Variants in RBM6 observed in about 807,000 individuals in gnomAD.
RBM6 encodes the protein RNA binding motif protein 6.
RBM6 carries 23 observed loss-of-function variants against 140.4 expected under a neutral mutation model. The ratio of observed to expected loss-of-function variants is 0.16; its 90% CI spans 0.12 to 0.23. The LOEUF (loss-of-function observed/expected upper bound fraction) is 0.23, where lower values mean the gene tolerates loss of function less well. Among genes scored for constraint, RBM6 ranks in the 10% least tolerant of loss-of-function variants. RBM6 has a pLI of 1.00. For missense variants in RBM6, 1,139 were observed against 1,386.7 expected (o/e 0.82, Z 2.84); for synonymous variants, 439 against 475.6 (o/e 0.92, Z 1.00).
In RBM6 at chr3:50,069,884, G is replaced by A. The variant is rs1345634783; in HGVS notation, c.3019-571G>A. Among the ~76,000 whole-genome samples the A allele has an allele frequency of 5.3e-5, 8 of 152,296 alleles. No individual in the cohort carries two copies. In the East Asian group the frequency reaches 1.2e-3, roughly 22 times the overall value. ...TTTTATATTATATGCCCGAGGGCTTGTATAGTGGAGGGCTTGTGTACTTTC... is the reference window on the plus strand; with the variant it reads ...TTTTATATTATATGCCCGAGGGCTTATATAGTGGAGGGCTTGTGTACTTTC... On this transcript the variant is annotated intron_variant, in intron 18 of 20. Transcript: ENST00000266022.
intron 5 of RBM6, among the ~76,000 whole-genome samples, chr3:49,984,785 A>G (rs1050346819): frequency 6.6e-6 from 1 of 152,370 alleles, no homozygotes; most frequent in Middle Eastern, 3.4e-3. Context: ...TGATAAAGCC[A>G]AGAAGAAGGA....
At chr3:49,974,461 T>C (rs1478778729) in intron 4 of RBM6, among the ~76,000 whole-genome samples, 1 of 150,258 alleles carries the variant, frequency 6.7e-6, no homozygotes, top group Non-Finnish European at 1.5e-5. Flanking sequence ...AAGCTCCTTC[T>C]CCCGGGTTCA....
At chr3:50,071,956 C>T (rs960692255) in intron 19 of RBM6, among the ~76,000 whole-genome samples, 7 of 150,802 alleles carry the variant, frequency 4.6e-5, no homozygotes, top group East Asian at 2.0e-4. Context: ...CTGTGGCAGG[C>T]GCCTGTAATC....
intron 6 of RBM6, among the ~76,000 whole-genome samples, chr3:50,006,491 T>C (rs1007308325): frequency 6.6e-6 from 1 of 152,094 alleles, no homozygotes; most frequent in Non-Finnish European, 1.5e-5. Context: ...TATAACATAG[T>C]ATTCTGGAAG....
chr3:50,061,590 TGTCA>T, intron 14 of RBM6, 43 bp downstream of exon 14: 1 of 1,471,838 alleles, frequency 6.8e-7, no homozygotes, highest in Admixed American at 2.4e-5. Flanking sequence ...TTTTTACCTC[TGTCA>T]ATGATTCTTT....
At chr3:50,026,380 G>GC (rs1427587695) in intron 6 of RBM6, among the ~76,000 whole-genome samples, 11 of 143,218 alleles carry the variant, frequency 7.7e-5, no homozygotes, top group African/African-American at 1.3e-4. Context: ...ACTGTGCCCG[G>GC]CCCTTTTTTT....
chr3:50,026,688 G>T (rs2087847168), intron 6 of RBM6, among the ~76,000 whole-genome samples: 1 of 150,898 alleles, frequency 6.6e-6, no homozygotes, highest in African/African-American at 2.4e-5. Flanking sequence ...GAGGCAGGCA[G>T]ATCACCTGAG....
chr3:49,962,947 A>C (rs1404093786), intron 2 of RBM6: 1 of 252,948 alleles, frequency 4.0e-6, no homozygotes. Flanking sequence ...AAATACAAAA[A>C]AAACTAGCCG....
At chr3:50,004,105 G>A (rs1318813390) in intron 6 of RBM6, among the ~76,000 whole-genome samples, 1 of 152,058 alleles carries the variant, frequency 6.6e-6, no homozygotes, top group Non-Finnish European at 1.5e-5. Flanking sequence ...TTGGCATTTG[G>A]TATGCAGGGA....
chr3:49,969,012 CATTT>C (rs549393903), intron 3 of RBM6, among the ~76,000 whole-genome samples: 8 of 147,484 alleles, frequency 5.4e-5, no homozygotes, highest in South Asian at 2.1e-4. Context: ...TGAAGGATGA[CATTT>C]ATTTATTTAT....
chr3:50,050,443 C>T (rs1409143280), intron 7 of RBM6, among the ~76,000 whole-genome samples: 2 of 152,096 alleles, frequency 1.3e-5, no homozygotes, highest in African/African-American at 4.8e-5. Context: ...TTTGTTCATC[C>T]ATTCCTCAAT....
rs542734328 is a variant in RBM6 at position 50,021,740 on chromosome 3, C to CTTTTTTTTTTTTTTTTTTTTTTTTTT, written c.1557+22232_1557+22257dup. 1.4e-4 allele frequency among the ~76,000 whole-genome samples: 6 copies of CTTTTTTTTTTTTTTTTTTTTTTTTTT among 42,752 alleles called. 2 individuals are homozygous for CTTTTTTTTTTTTTTTTTTTTTTTTTT. In the East Asian group the frequency reaches 3.5e-3, roughly 25 times the overall value. 28.0% of individuals were successfully genotyped at this position (42,752 alleles called of 152,430 possible). ...ATCTCCATACTGAGGAATTTAAGTGCTTTTTTTTTTTTTTTTTTTTTTTTT... is the reference window on the plus strand; with the variant it reads ...ATCTCCATACTGAGGAATTTAAGTGCTTTTTTTTTTTTTTTTTTTTTTTTTTTTTTTTTTTTTTTTTTTTTTTTTTT... On this transcript the variant is annotated intron_variant, in intron 6 of 20. Transcript: ENST00000266022.
At chr3:50,053,358 C>T (rs2089557829) in intron 7 of RBM6, among the ~76,000 whole-genome samples, 1 of 152,040 alleles carries the variant, frequency 6.6e-6, no homozygotes, top group South Asian at 2.1e-4. Context: ...ATGGAGAAAC[C>T]CTGCCTCTAC....
In RBM6 at chr3:49,956,950, C is replaced by G. The variant is rs192170342; in HGVS notation, c.-66-5626C>G. Among the ~76,000 whole-genome samples, 18 of 152,338 alleles carry G rather than the reference C, an allele frequency of 1.2e-4. No individual in the cohort carries two copies. In the East Asian group the frequency reaches 2.3e-3, roughly 20 times the overall value. ...AAAGTGCTGGGATTACAGGCGTAAGCCACCAGGCCTGGCCTGCTTTTTTAA... is the reference window on the plus strand; with the variant it reads ...AAAGTGCTGGGATTACAGGCGTAAGGCACCAGGCCTGGCCTGCTTTTTTAA... On this transcript the variant is annotated intron_variant, in intron 1 of 20. Coordinates refer to ENST00000266022, the MANE Select transcript of RBM6 (RefSeq NM_005777.3).
At chr3:50,062,330 CCT>C (rs1485986892) in intron 15 of RBM6, among the ~76,000 whole-genome samples, 2 of 152,006 alleles carry the variant, frequency 1.3e-5, no homozygotes, top group Non-Finnish European at 2.9e-5. Context: ...TGGTGAAACC[CCT>C]GTCTCTACTA....
At chr3:49,997,715 T>C (rs1031041376) in intron 5 of RBM6, among the ~76,000 whole-genome samples, 1 of 152,212 alleles carries the variant, frequency 6.6e-6, no homozygotes, top group African/African-American at 2.4e-5. Flanking sequence ...GGTGTCTTAG[T>C]TCCTTCTGTT....
In RBM6 at chr3:50,066,492, A is replaced by G; in HGVS notation, c.2933A>G (p.Asp978Gly). Reference sequence around the variant, plus strand: ...CTGATCAAACACCAGCAGCTGTCAGACCTGCACAAGGTATTAGGGGAAGGA... The same window carrying G: ...CTGATCAAACACCAGCAGCTGTCAGGCCTGCACAAGGTATTAGGGGAAGGA... ...EVLIKHQQLS[D>G]LHKQNLEIHR... The change falls in exon 17 of 21, where the codon GAC (aspartate) becomes GGC (glycine). Residue 978 changes from aspartate (D) to glycine (G), a missense_variant. By Grantham distance (94) the Asp-to-Gly change is moderately conservative (BLOSUM62 -1). Coordinates refer to ENST00000266022, the MANE Select transcript of RBM6 (RefSeq NM_005777.3). 6.2e-7 allele frequency: 1 copy of G among 1,613,374 alleles called. No homozygotes were observed. The highest frequency in any genetic ancestry group is 8.5e-7 in the Non-Finnish European group (1 of 1,179,976).
At chr3:49,961,567 G>A (rs1384775373) in intron 1 of RBM6, among the ~76,000 whole-genome samples, 5 of 151,948 alleles carry the variant, frequency 3.3e-5, no homozygotes, top group African/African-American at 4.8e-5. Context: ...TTGGGAGGCC[G>A]AGGTGGGTGG....
chr3:50,048,337 C>G lies in RBM6; in HGVS notation c.1632+18C>G. ...GCAAACGAGTAAGTACCAAGAATCCCTTTCTTTAGAAGTAAGTATCTGGAA... is the reference window on the plus strand; with the variant it reads ...GCAAACGAGTAAGTACCAAGAATCCGTTTCTTTAGAAGTAAGTATCTGGAA... On this transcript the variant is annotated intron_variant, in intron 7 of 20. Transcript: ENST00000266022. 6.2e-7 allele frequency: 1 copy of G among 1,607,550 alleles called. No homozygotes were observed. Among genetic ancestry groups the G allele is most frequent in the East Asian group, 2.2e-5 (1 of 44,856 alleles).
Sources: allele counts gnomAD v4.1 joint callset (sites outside exome capture counted in the v4.1 genomes callset), GRCh38; gene constraint gnomAD v4.1.1; transcripts MANE v1.5; gene names NCBI Gene and HGNC (gene_info 2026-07-23, HGNC 2026-07-21).